PTPRD: variants seen among roughly 807,000 people sequenced by gnomAD.
PTPRD encodes receptor-type tyrosine-protein phosphatase delta.
PTPRD carries 34 observed loss-of-function variants against 214.5 expected under a neutral mutation model. That is an observed-to-expected ratio of 0.16 (90% confidence interval 0.12 to 0.21). PTPRD has a LOEUF of 0.21. PTPRD is among the 10% of genes least tolerant of loss of function. The probability of loss-of-function intolerance (pLI) is 1.00; values close to 1 mark genes in which losing one functional copy is unlikely to be tolerated. For synonymous variants in PTPRD, 1,128 were observed against 845.7 expected, an observed-to-expected ratio of 1.33 and a Z score of -5.79; for missense variants, 2,545 against 2,398.7, an observed-to-expected ratio of 1.06 and a Z score of -1.27.
At chr9:9,986,906 A>C (rs2095733433) in intron 4 of PTPRD, among the ~76,000 whole-genome samples, 2 of 134,014 alleles carry the variant, frequency 1.5e-5, no homozygotes, top group South Asian at 4.9e-4. Context: ...TTTTTTTTTT[A>C]CTGTAATTAA....
At chr9:8,469,752 A>G (rs987398777) in intron 31 of PTPRD, among the ~76,000 whole-genome samples, 1 of 152,074 alleles carries the variant, frequency 6.6e-6, no homozygotes, top group African/African-American at 2.4e-5. Context: ...TCCAATGATC[A>G]TCTAATCACT....
chr9:8,608,762 T>C (rs773465636), intron 14 of PTPRD, among the ~76,000 whole-genome samples: 12 of 152,216 alleles, frequency 7.9e-5, no homozygotes, highest in African/African-American at 2.6e-4. Context: ...AAAGGAAGAA[T>C]AGAAGTACTC....
intron 9 of PTPRD, among the ~76,000 whole-genome samples, chr9:9,297,958 T>C (rs1303960525): frequency 6.6e-6 from 1 of 151,676 alleles, no homozygotes; most frequent in Non-Finnish European, 1.5e-5. Context: ...TTAAGAGCTA[T>C]TTTAAGTTTG....
chr9:9,127,361 T>A lies in PTPRD; in HGVS notation c.-143+55943A>T, dbSNP rs545057417. On this transcript the variant is annotated intron_variant, in intron 10 of 45. Coordinates refer to ENST00000381196, the MANE Select transcript of PTPRD (RefSeq NM_002839.4). ...GAACTGCTGTAGTTAGTTAACCTCA[T>A]AACAAACAGTGAGAGATAATGGTAG... is the stretch of plus-strand genomic sequence containing the variant. Among the ~76,000 whole-genome samples the A allele has an allele frequency of 2.6e-5, 4 of 152,298 alleles. No homozygotes were observed. In the South Asian group the frequency reaches 8.3e-4, roughly 32 times the overall value.
In PTPRD at chr9:8,808,071, T is replaced by A. The variant is rs572203353; in HGVS notation, c.-103-74125A>T. Among the ~76,000 whole-genome samples, 9 of 152,288 alleles carry A rather than the reference T, an allele frequency of 5.9e-5. No homozygotes were observed. In the South Asian group the frequency reaches 1.7e-3, roughly 28 times the overall value. ...AAGGTCATGAAAGTCCCCAATTGAT[T>A]TCCCCCTGCTCTTCATCATTGACAC... is the stretch of plus-strand genomic sequence containing the variant. On this transcript the variant is annotated intron_variant, in intron 11 of 45. Transcript: ENST00000381196.
intron 8 of PTPRD, among the ~76,000 whole-genome samples, chr9:9,433,169 G>A (rs550490164): frequency 1.3e-5 from 2 of 152,304 alleles, no homozygotes; most frequent in African/African-American, 4.8e-5. Flanking sequence ...TATCCTCAGA[G>A]ATGATTTTGC....
At chr9:10,144,392 G>C (rs2099008416) in intron 3 of PTPRD, among the ~76,000 whole-genome samples, 1 of 152,050 alleles carries the variant, frequency 6.6e-6, no homozygotes, top group African/African-American at 2.4e-5. Flanking sequence ...GCGGACTTAG[G>C]AGCTGATCAA....
At chr9:8,934,752 A>G (rs1443627804) in intron 11 of PTPRD, among the ~76,000 whole-genome samples, 1 of 150,926 alleles carries the variant, frequency 6.6e-6, no homozygotes, top group Non-Finnish European at 1.5e-5. Context: ...TTATCCTTCT[A>G]CTAACATCTC....
At chr9:10,556,043 G>A (rs1039362049) in intron 2 of PTPRD, among the ~76,000 whole-genome samples, 2 of 152,000 alleles carry the variant, frequency 1.3e-5, no homozygotes, top group Admixed American at 6.6e-5. Flanking sequence ...TAACAAAATA[G>A]TTTTTAAAAC....
At chr9:10,305,016 A>T (rs925086993) in intron 3 of PTPRD, among the ~76,000 whole-genome samples, 1 of 152,060 alleles carries the variant, frequency 6.6e-6, no homozygotes, top group Non-Finnish European at 1.5e-5. Context: ...CTATACTACA[A>T]GGCTACATCA....
chr9:8,736,176 G>A (rs1052399008), intron 11 of PTPRD, among the ~76,000 whole-genome samples: 4 of 152,124 alleles, frequency 2.6e-5, no homozygotes, highest in African/African-American at 9.7e-5. Context: ...TGGTACTGGT[G>A]GGAATTAGGA....
chr9:8,645,610 G>A (rs2096670373), intron 12 of PTPRD, among the ~76,000 whole-genome samples: 1 of 151,978 alleles, frequency 6.6e-6, no homozygotes, highest in Non-Finnish European at 1.5e-5. Flanking sequence ...TTTTCAAAGG[G>A]CTGATAGGCA....
At chr9:8,762,950 G>C (rs1384612529) in intron 11 of PTPRD, among the ~76,000 whole-genome samples, 1 of 152,180 alleles carries the variant, frequency 6.6e-6, no homozygotes, top group African/African-American at 2.4e-5. Context: ...CCTCCTTCCA[G>C]CGTGACACTG....
chr9:9,937,719 A>C (rs1277867996), intron 5 of PTPRD, among the ~76,000 whole-genome samples: 3 of 152,120 alleles, frequency 2.0e-5, no homozygotes, highest in African/African-American at 7.2e-5. Context: ...CTATTCTTTG[A>C]AACTGTGGAA....
chr9:10,487,680 T>G (rs2099141497), intron 2 of PTPRD, among the ~76,000 whole-genome samples: 1 of 150,034 alleles, frequency 6.7e-6, no homozygotes, highest in Non-Finnish European at 1.5e-5. Context: ...GGGAGGGGAA[T>G]GACACATAAC....
At chr9:9,083,892 G>T (rs1304242450) in intron 10 of PTPRD, among the ~76,000 whole-genome samples, 2 of 152,154 alleles carry the variant, frequency 1.3e-5, no homozygotes, top group Admixed American at 6.5e-5. Flanking sequence ...TCATTAAAAA[G>T]TCAGGAAACA....
intron 8 of PTPRD, among the ~76,000 whole-genome samples, chr9:9,407,407 G>A (rs2073884915): frequency 6.6e-6 from 1 of 151,644 alleles, no homozygotes; most frequent in Non-Finnish European, 1.5e-5. Flanking sequence ...ATTTGTACGT[G>A]TTTAATTGTG....
intron 35 of PTPRD, among the ~76,000 whole-genome samples, chr9:8,411,383 A>G (rs2093507753): frequency 1.3e-5 from 2 of 151,988 alleles, no homozygotes; most frequent in South Asian, 4.1e-4. Context: ...GGCTCACTGC[A>G]ACCTCTGCCT....
At chr9:10,097,425 T>G (rs2098502414) in intron 3 of PTPRD, among the ~76,000 whole-genome samples, 2 of 150,498 alleles carry the variant, frequency 1.3e-5, no homozygotes, top group Admixed American at 6.7e-5. Context: ...GAGCAGTGTT[T>G]TGTAGTTCTC....
Sources: allele counts gnomAD v4.1 joint callset (sites outside exome capture counted in the v4.1 genomes callset), GRCh38; gene constraint gnomAD v4.1.1; transcripts MANE v1.5; gene names NCBI Gene and HGNC (gene_info 2026-07-23, HGNC 2026-07-21).